The following TMPRSS4 variants were observed in gnomAD, a reference collection of about 807,000 sequenced individuals.
TMPRSS4 encodes the protein transmembrane protease serine 4.
In TMPRSS4, 45 loss-of-function variants were observed where a neutral mutation model predicts 56.4. The observed-to-expected ratio is 0.80, with a 90% confidence interval of 0.63 to 1.02. The LOEUF (loss-of-function observed/expected upper bound fraction) is 1.02, where lower values mean the gene tolerates loss of function less well. TMPRSS4 is among the 50% of genes least tolerant of loss of function. The probability of loss-of-function intolerance (pLI) is 0.00; values close to 1 mark genes in which losing one functional copy is unlikely to be tolerated. For missense variants in TMPRSS4, 546 were observed against 556.7 expected, an observed-to-expected ratio of 0.98 and a Z score of 0.19; for synonymous variants, 205 against 211.0, an observed-to-expected ratio of 0.97 and a Z score of 0.25.
In TMPRSS4 at chr11:118,120,135, A is replaced by T. The variant is rs547062956; in HGVS notation, c.*2222A>T. The stretch of plus-strand genomic sequence containing the variant: ...TTGTACTTGTTTTATTTCACTTCAC[A>T]TTGTGTCTTCAAGTTTCACCCATGT... On this transcript the variant is annotated 3_prime_UTR_variant, in exon 13 of 13. Transcript: ENST00000437212. The T allele has an allele frequency of 6.6e-6, 1 of 152,298 alleles. No homozygotes were observed. The highest frequency in any genetic ancestry group is 2.1e-4 in the South Asian group (1 of 4,830). 9.4% of individuals were successfully genotyped at this position (152,298 alleles called of 1,614,324 possible). A position where few individuals can be genotyped will look rare whatever the true frequency, so the allele number is the denominator to read the frequency against.
At chr11:118,110,410 C>T (rs1947220994) in intron 7 of TMPRSS4, among the ~76,000 whole-genome samples, 2 of 151,250 alleles carry the variant, frequency 1.3e-5, no homozygotes, top group African/African-American at 2.4e-5. Flanking sequence ...GTTGCGATCT[C>T]GGCTCACTGC....
intron 1 of TMPRSS4, among the ~76,000 whole-genome samples, chr11:118,086,483 C>T (rs1052854341): frequency 2.5e-4 from 38 of 152,284 alleles, no homozygotes; most frequent in Non-Finnish European, 2.1e-4. Context: ...AATGACTCAA[C>T]GCAAGGCAGT....
At chr11:118,102,949 C>T in intron 3 of TMPRSS4, 152 bp from the exon 4 acceptor site, 3 of 967,752 alleles carry the variant, frequency 3.1e-6, no homozygotes, top group East Asian at 4.8e-5. Flanking sequence ...GAGGCTCAGG[C>T]CCAAGTCTGT....
chr11:118,120,741 G>T lies in TMPRSS4; in HGVS notation c.*2828G>T, dbSNP rs1021563169. ...ACAAGGCCAGGAGCAATGAAGCCTA[G>T]AATGGTAAATTCTAACATATCCAGA... is the stretch of plus-strand genomic sequence containing the variant. On this transcript the variant is annotated 3_prime_UTR_variant, in exon 13 of 13. Coordinates refer to ENST00000437212, the MANE Select transcript of TMPRSS4 (RefSeq NM_019894.4). 1 of 152,130 alleles carries T rather than the reference G, an allele frequency of 6.6e-6. No homozygotes were observed. Among genetic ancestry groups the T allele is most frequent in the African/African-American group, 2.4e-5 (1 of 41,416 alleles). The allele number at this position is 152,130 out of a possible 1,614,324, so 9.4% of individuals were successfully genotyped here.
downstream of TMPRSS4, among the ~76,000 whole-genome samples, chr11:118,122,548 C>T (rs952199677): frequency 1.3e-5 from 2 of 152,188 alleles, no homozygotes; most frequent in African/African-American, 4.8e-5. Flanking sequence ...CATCCTTTGT[C>T]ACCACTGGAG....
chr11:118,113,283 T>C lies in TMPRSS4; in HGVS notation c.758T>C (p.Val253Ala). The change falls in exon 9 of 13, where the codon GTG becomes GCG. Residue 253 changes from valine (V) to alanine (A), a missense_variant. Coordinates refer to ENST00000437212, the MANE Select transcript of TMPRSS4 (RefSeq NM_019894.4). ...TCTACCCCCAGGAAACATACCGATGTGTTCAACTGGAAGGTGCGGGCAGGC... is the reference window on the plus strand; with the variant it reads ...TCTACCCCCAGGAAACATACCGATGCGTTCAACTGGAAGGTGCGGGCAGGC... ...AAHCFRKHTD[V>A]FNWKVRAGSD... The C allele has an allele frequency of 2.5e-6, 4 of 1,613,988 alleles. No homozygotes were observed. The highest frequency in any genetic ancestry group is 3.4e-6 in the Non-Finnish European group (4 of 1,179,958).
chr11:118,082,423 C>A (rs1187527060), intron 1 of TMPRSS4, among the ~76,000 whole-genome samples: 2 of 151,944 alleles, frequency 1.3e-5, no homozygotes, highest in African/African-American at 4.8e-5. Flanking sequence ...TAGCCGAGCG[C>A]AGTAGCTCAC....
At chr11:118,124,960 A>G (rs1947860325), downstream of TMPRSS4, among the ~76,000 whole-genome samples, 1 of 152,184 alleles carries the variant, frequency 6.6e-6, no homozygotes, top group Admixed American at 6.5e-5. Flanking sequence ...GAATGGGCCC[A>G]GCTCTGGCCC....
At chr11:118,077,920 G>A (rs1359732903) in intron 1 of TMPRSS4, among the ~76,000 whole-genome samples, 2 of 150,716 alleles carry the variant, frequency 1.3e-5, no homozygotes, top group African/African-American at 2.4e-5. Context: ...GGCTGAGGCA[G>A]GAGAATCGCT....
chr11:118,098,977 T>C lies in TMPRSS4; in HGVS notation c.44-8T>C. On this transcript the variant is annotated splice_polypyrimidine_tract_variant and splice_region_variant and intron_variant, in intron 2 of 12. Transcript: ENST00000437212. ...TGCTCTTCCCCTCTGCCTCCCATTT[T>C]CTTGCAGATGTCAAACCCCTGCGCA... 1 of 1,609,594 alleles carries C rather than the reference T, an allele frequency of 6.2e-7. No individual in the cohort carries two copies. The highest frequency in any genetic ancestry group is 8.5e-7 in the Non-Finnish European group (1 of 1,176,788).
intron 2 of TMPRSS4, among the ~76,000 whole-genome samples, chr11:118,096,954 G>A (rs867950564): frequency 6.8e-5 from 4 of 58,804 alleles, no homozygotes; most frequent in South Asian, 5.3e-4. Context: ...AAGAAAGGAA[G>A]GAAAGAAAGA....
chr11:118,111,798 A>G lies in TMPRSS4; in HGVS notation c.641A>G (p.Asp214Gly). 2 of 1,604,202 alleles carry G rather than the reference A, an allele frequency of 1.2e-6. No individual in the cohort carries two copies. The highest frequency in any genetic ancestry group is 1.7e-6 in the Non-Finnish European group (2 of 1,175,802). The stretch of plus-strand genomic sequence containing the variant: ...GTGGGTGTGGAGGAGGCCTCTGTGG[A>G]TTCTTGGCCTTGGCAGGTCAGCATC... Reference protein sequence around the residue: ...RVVGVEEASVDSWPWQVSIQY... With the variant: ...RVVGVEEASVGSWPWQVSIQY... Residue 214 changes from aspartate (D) to glycine (G), a missense_variant, in exon 8 of 13, where the codon GAT (aspartate) becomes GGT (glycine). Asp to Gly is a moderately conservative substitution (Grantham distance 94). Coordinates refer to ENST00000437212, the MANE Select transcript of TMPRSS4 (RefSeq NM_019894.4).
chr11:118,124,594 G>A (rs1947854812), downstream of TMPRSS4, among the ~76,000 whole-genome samples: 1 of 152,074 alleles, frequency 6.6e-6, no homozygotes, highest in South Asian at 2.1e-4. Flanking sequence ...CTCGAAAGCT[G>A]ATAGAACTAT....
intron 11 of TMPRSS4, chr11:118,115,586 G>A: frequency 3.7e-6 from 1 of 267,320 alleles, no homozygotes; most frequent in East Asian, 7.4e-5. Flanking sequence ...TTGGGAGGCT[G>A]AGGCGGGCAG....
At chr11:118,086,493 T>C (rs535419302) in intron 1 of TMPRSS4, among the ~76,000 whole-genome samples, 48 of 152,226 alleles carry the variant, frequency 3.2e-4, no homozygotes, top group Non-Finnish European at 6.5e-4. Context: ...CGCAAGGCAG[T>C]GTTTGTGAGG....
rs1378822838 is a variant in TMPRSS4 at position 118,098,894 on chromosome 11, C to T, written c.44-91C>T. ...ACTGTGCTCAAGGCATACCTGTCAC[C>T]GGCCAGAAGGCAGGAGGCTGTGGAG... is the stretch of plus-strand genomic sequence containing the variant. On this transcript the variant is annotated intron_variant, in intron 2 of 12. Transcript: ENST00000437212. The T allele has an allele frequency of 2.8e-5, 28 of 1,006,122 alleles. 1 individual carries two copies. The South Asian group carries it at 2.9e-4, about 10-fold the overall frequency. 62.3% of individuals were successfully genotyped at this position (1,006,122 alleles called of 1,614,324 possible).
At chr11:118,091,059 A>G (rs1284883031) in intron 1 of TMPRSS4, among the ~76,000 whole-genome samples, 2 of 152,160 alleles carry the variant, frequency 1.3e-5, no homozygotes, top group Non-Finnish European at 2.9e-5. Context: ...TCAGTGGAAA[A>G]GAATGAATTG....
chr11:118,102,966 C>A (rs1946791503), intron 3 of TMPRSS4, 135 bp from the exon 4 acceptor site: 1 of 1,211,194 alleles, frequency 8.3e-7, no homozygotes, highest in Non-Finnish European at 1.2e-6. Context: ...CTGTGTGCTA[C>A]CAAGTAGCAA....
At chr11:118,080,899 C>A (rs934532761) in intron 1 of TMPRSS4, among the ~76,000 whole-genome samples, 1 of 152,180 alleles carries the variant, frequency 6.6e-6, no homozygotes, top group Non-Finnish European at 1.5e-5. Flanking sequence ...CTCAGTAAAA[C>A]GCTTCAAGTT....
Sources: gnomAD v4.1 joint callset for allele counts (sites outside exome capture counted in the v4.1 genomes callset) on GRCh38, gnomAD v4.1.1 for gene constraint, MANE v1.5 for transcripts, NCBI Gene and HGNC (gene_info 2026-07-23, HGNC 2026-07-21) for gene names.